Variants in CHST4 observed in about 807,000 individuals in gnomAD.
The protein encoded by CHST4 is carbohydrate sulfotransferase 4, also known as GST-3.
For missense variants in CHST4, 466 were observed against 506.0 expected (o/e 0.92, Z 0.76); for synonymous variants, 171 against 195.5 (o/e 0.87, Z 1.05).
intron 1 of CHST4, among the ~76,000 whole-genome samples, chr16:71,531,080 A>T (rs543610910): frequency 1.8e-4 from 28 of 152,094 alleles, no homozygotes; most frequent in East Asian, 3.9e-4. Flanking sequence ...ATAGTAATTT[A>T]AAAAAAATGA....
intron 1 of CHST4, among the ~76,000 whole-genome samples, chr16:71,535,863 C>T (rs113854681): frequency 2.0e-5 from 3 of 152,316 alleles, no homozygotes; most frequent in African/African-American, 4.8e-5. Context: ...TCCCCATGGC[C>T]TTGGTCCCAT....
Position 71,537,703 on chromosome 16 carries a change from G to A in CHST4, c.1026G>A (p.Lys342=). 1 of 1,614,212 alleles carries A rather than the reference G, an allele frequency of 6.2e-7. No homozygotes were observed. Among genetic ancestry groups the A allele is most frequent in the Non-Finnish European group, 8.5e-7 (1 of 1,180,046 alleles). Residue 342 remains lysine (K), a synonymous_variant, in exon 2 of 2, where the codon AAG becomes AAA. Coordinates refer to ENST00000539698, the MANE Select transcript of CHST4 (RefSeq NM_001166395.2). This position sits in a 1 kb window ranked among gnomAD's most constrained non-coding sequence, Gnocchi z 4.2. ...QAWRWSLPYE[K]VSRLQKACGD... is the part of the protein sequence containing the mutation. ...GGCGCTGGTCTTTGCCCTATGAAAA[G>A]GTTTCTCGACTTCAGAAAGCCTGTG...
rs768338660 is a variant in CHST4, at chr16:71,537,215, C to G, written c.538C>G (p.Arg180Gly). 8 of 1,614,010 alleles carry G rather than the reference C, an allele frequency of 5.0e-6. No individual in the cohort carries two copies. The African/African-American group carries it at 8.0e-5, about 16-fold the overall frequency. The change falls in exon 2 of 2, where the codon CGC (arginine) becomes GGC (glycine). Residue 180 changes from arginine (R) to glycine (G), a missense_variant. By Grantham distance (125) the Arg-to-Gly change is moderately radical (BLOSUM62 -2). Transcript: ENST00000539698. This position sits in a 1 kb window ranked among gnomAD's most constrained non-coding sequence, Gnocchi z 4.2. ...CAGCCACGTGGTGCTCAAGGAGGTG[C>G]GCTTCTTCAACCTGCAGTCCCTCTA... The part of the protein sequence containing the change: ...SYSHVVLKEV[R>G]FFNLQSLYPL...
chr16:71,535,557 G>A (rs1451468922), intron 1 of CHST4, among the ~76,000 whole-genome samples: 2 of 151,996 alleles, frequency 1.3e-5, no homozygotes, highest in African/African-American at 4.8e-5. Context: ...ATTCTTGATG[G>A]GATGGCACTC....
At chr16:71,535,290 A>C (rs747235599) in intron 1 of CHST4, among the ~76,000 whole-genome samples, 3 of 152,150 alleles carry the variant, frequency 2.0e-5, no homozygotes, top group Non-Finnish European at 4.4e-5. Flanking sequence ...CCCCTGCCTC[A>C]GCCTCCCAAG....
intron 1 of CHST4, among the ~76,000 whole-genome samples, chr16:71,534,463 T>C (rs2043973000): frequency 6.6e-6 from 1 of 151,544 alleles, no homozygotes; most frequent in Non-Finnish European, 1.5e-5. Flanking sequence ...ATTCAAGTGA[T>C]TCTCCTACCT....
At chr16:71,528,798 T>C (rs763174620) in intron 1 of CHST4, among the ~76,000 whole-genome samples, 25 of 152,232 alleles carry the variant, frequency 1.6e-4, no homozygotes, top group Non-Finnish European at 3.1e-4. Flanking sequence ...ATTTTGTCTC[T>C]ACGAGGCTAC....
rs919213398 is a variant in CHST4, at chr16:71,538,344, A to G, written c.*506A>G. 1 of 169,318 alleles carries G rather than the reference A, an allele frequency of 5.9e-6. No homozygotes were observed. Among genetic ancestry groups the G allele is most frequent in the Non-Finnish European group, 1.4e-5 (1 of 69,692 alleles). The allele number at this position is 169,318 out of a possible 1,614,324, so 10.5% of individuals were successfully genotyped here. On this transcript the variant is annotated 3_prime_UTR_variant, in exon 2 of 2. Coordinates refer to ENST00000539698, the MANE Select transcript of CHST4 (RefSeq NM_001166395.2). ...ACTTATGAGCTTGACCATCACAGCT[A>G]TCGGTAATCAGAAATATGAAACAAA...
At position 71,536,908 on chromosome 16, in the gene CHST4, C is replaced by T. The variant is rs145974764; in HGVS notation, c.231C>T (p.His77=). ...TCTACCTGATGGAGCCCGCCTGGCACGTGTGGATGACCTTCAAGCAGAGCA... is the reference window on the plus strand; with the variant it reads ...TCTACCTGATGGAGCCCGCCTGGCATGTGTGGATGACCTTCAAGCAGAGCA... ...DVFYLMEPAW[H]VWMTFKQSTA... The change falls in exon 2 of 2, where the codon CAC becomes CAT. Residue 77 remains histidine, a synonymous_variant. Coordinates refer to ENST00000539698, the MANE Select transcript of CHST4 (RefSeq NM_001166395.2). The T allele has an allele frequency of 1.8e-5, 29 of 1,603,050 alleles. No homozygotes were observed. Among genetic ancestry groups the T allele is most frequent in the African/African-American group, 1.2e-4 (9 of 74,648 alleles).
chr16:71,537,262 C>A lies in CHST4; in HGVS notation c.585C>A (p.Ser195=). 6.2e-7 allele frequency: 1 copy of A among 1,614,224 alleles called. No individual in the cohort carries two copies. Among genetic ancestry groups the A allele is most frequent in the Non-Finnish European group, 8.5e-7 (1 of 1,180,040 alleles). The change falls in exon 2 of 2, where the codon TCC becomes TCA. Residue 195 remains serine, a synonymous_variant. Transcript: ENST00000539698. The surrounding 1 kb of genome is among the most constrained non-coding windows in gnomAD (Gnocchi z 4.2). ...QSLYPLLKDP[S]LNLHIVHLVR... Reference sequence around the variant, plus strand: ...TCTACCCGCTGCTGAAAGACCCCTCCCTCAACCTGCATATCGTGCACCTGG... The same window carrying A: ...TCTACCCGCTGCTGAAAGACCCCTCACTCAACCTGCATATCGTGCACCTGG...
intron 1 of CHST4, among the ~76,000 whole-genome samples, chr16:71,529,588 G>A (rs1458381162): frequency 2.1e-4 from 20 of 93,418 alleles, no homozygotes; most frequent in African/African-American, 5.1e-4. Context: ...ACCAAGTTTC[G>A]CTCTGTTGAC....
chr16:71,535,054 G>A (rs2043977242), intron 1 of CHST4, among the ~76,000 whole-genome samples: 3 of 152,202 alleles, frequency 2.0e-5, no homozygotes, highest in Admixed American at 2.0e-4. Flanking sequence ...ATTGCAAAAT[G>A]TTGCCATCAG....
chr16:71,528,044 G>A (rs1444288177), intron 1 of CHST4, among the ~76,000 whole-genome samples: 1 of 152,002 alleles, frequency 6.6e-6, no homozygotes, highest in East Asian at 1.9e-4. Flanking sequence ...GCACTATTAG[G>A]AGACTGAGGT....
chr16:71,537,457 C>G lies in CHST4; in HGVS notation c.780C>G (p.Ile260Met), dbSNP rs375158065. The part of the protein sequence containing the change: ...CQSQLEIYKT[I>M]QSLPKALQER... ...GCCAGCTGGAGATCTACAAGACCAT[C>G]CAGTCCTTGCCCAAGGCCCTGCAGG... Residue 260 changes from isoleucine (I) to methionine (M), a missense_variant, in exon 2 of 2, where the codon ATC becomes ATG. Transcript: ENST00000539698. This position sits in a 1 kb window ranked among gnomAD's most constrained non-coding sequence, Gnocchi z 4.2. The G allele has an allele frequency of 2.5e-6, 4 of 1,614,074 alleles. No homozygotes were observed. The highest frequency in any genetic ancestry group is 1.3e-5 in the African/African-American group (1 of 74,928).
intron 1 of CHST4, among the ~76,000 whole-genome samples, chr16:71,528,763 GT>G (rs59958064): frequency 0.042 from 6,438 of 152,144 alleles, 449 homozygotes; most frequent in African/African-American, 0.14. Flanking sequence ...TATCTATCTG[GT>G]TTTTTTCCCC....
chr16:71,536,360 G>A (rs2043988363), intron 1 of CHST4, among the ~76,000 whole-genome samples: 1 of 152,180 alleles, frequency 6.6e-6, no homozygotes, highest in Admixed American at 6.5e-5. Context: ...ATTTCCTTAT[G>A]TTGATTAAAT....
chr16:71,528,041 T>C (rs1488257675), intron 1 of CHST4, among the ~76,000 whole-genome samples: 2 of 152,032 alleles, frequency 1.3e-5, no homozygotes, highest in East Asian at 3.9e-4. Context: ...ACAGCACTAT[T>C]AGGAGACTGA....
At position 71,537,262 on chromosome 16, in the gene CHST4, C is replaced by T; in HGVS notation, c.585C>T (p.Ser195=). ...TCTACCCGCTGCTGAAAGACCCCTC[C>T]CTCAACCTGCATATCGTGCACCTGG... ...QSLYPLLKDP[S]LNLHIVHLVR... is the part of the protein sequence containing the mutation. Residue 195 remains serine, a synonymous_variant, in exon 2 of 2, where the codon TCC becomes TCT. Coordinates refer to ENST00000539698, the MANE Select transcript of CHST4 (RefSeq NM_001166395.2). This position sits in a 1 kb window ranked among gnomAD's most constrained non-coding sequence, Gnocchi z 4.2. 6.2e-7 allele frequency: 1 copy of T among 1,614,224 alleles called. No individual in the cohort carries two copies. Among genetic ancestry groups the T allele is most frequent in the Middle Eastern group, 1.6e-4 (1 of 6,062 alleles).
At chr16:71,530,868 G>A (rs545871072) in intron 1 of CHST4, among the ~76,000 whole-genome samples, 1 of 152,262 alleles carries the variant, frequency 6.6e-6, no homozygotes, top group South Asian at 2.1e-4. Flanking sequence ...ATCACTTGAG[G>A]TTAGGAGTTT....
Sources: allele counts gnomAD v4.1 joint callset (sites outside exome capture counted in the v4.1 genomes callset), GRCh38; gene constraint gnomAD v4.1.1; non-coding constraint Gnocchi (gnomAD v3.1); transcripts MANE v1.5; gene names NCBI Gene and HGNC (gene_info 2026-07-23, HGNC 2026-07-21).